Variants in MRPS28 observed in about 807,000 individuals in gnomAD.
MRPS28 encodes small ribosomal subunit protein bS1m.
Under a neutral mutation model 10.8 loss-of-function variants are expected in MRPS28, and 7 were observed. The observed-to-expected ratio is 0.65, with a 90% CI of 0.37 to 1.22. The LOEUF (loss-of-function observed/expected upper bound fraction) is 1.22, where lower values mean the gene tolerates loss of function less well. Among genes scored for constraint, MRPS28 ranks in the 50% most tolerant of loss-of-function variants. MRPS28 has a pLI of 0.02. For synonymous variants in MRPS28, 121 were observed against 93.3 expected (o/e 1.30, Z -1.71); for missense variants, 265 against 232.9 (o/e 1.14, Z -0.90).
At chr8:79,934,500 G>A (rs1806553234) in intron 2 of MRPS28, among the ~76,000 whole-genome samples, 1 of 152,162 alleles carries the variant, frequency 6.6e-6, no homozygotes, top group Non-Finnish European at 1.5e-5. Context: ...AATCCTTAAA[G>A]TTTACATTTT....
chr8:79,983,050 C>T (rs1210016958), intron 2 of MRPS28, among the ~76,000 whole-genome samples: 6 of 149,488 alleles, frequency 4.0e-5, no homozygotes, highest in East Asian at 2.0e-4. Context: ...ACACCTCACA[C>T]GGCCAGGTAC....
chr8:79,931,848 T>A (rs1002744039), intron 2 of MRPS28, among the ~76,000 whole-genome samples: 1 of 152,218 alleles, frequency 6.6e-6, no homozygotes, highest in African/African-American at 2.4e-5. Context: ...TTCAATGAAT[T>A]AAGCTTAACT....
At position 80,002,145 on chromosome 8, in the gene MRPS28, T is replaced by C. The variant is rs937351669; in HGVS notation, c.395+854A>G. 6.6e-5 allele frequency among the ~76,000 whole-genome samples: 10 copies of C among 152,178 alleles called. No individual in the cohort carries two copies. The South Asian group carries it at 8.3e-4, about 13-fold the overall frequency. ...CTCTCAGGAGAGAGGCAACTCGTTC[T>C]CATAATTGCTCTCCTAGGTCTACAG... is the stretch of plus-strand genomic sequence containing the variant. On this transcript the variant is annotated intron_variant, in intron 2 of 2. Coordinates refer to ENST00000276585, the MANE Select transcript of MRPS28 (RefSeq NM_014018.3).
chr8:79,989,110 G>A (rs1808280833), intron 2 of MRPS28, among the ~76,000 whole-genome samples: 1 of 152,284 alleles, frequency 6.6e-6, no homozygotes, highest in Admixed American at 6.5e-5. Context: ...AAGTATAATG[G>A]TGAGGGCAGA....
Position 79,975,995 on chromosome 8 carries a change from C to T in MRPS28, c.395+27004G>A, listed in dbSNP as rs183830790. 7.9e-5 allele frequency among the ~76,000 whole-genome samples: 12 copies of T among 152,112 alleles called. 1 individual carries two copies. The highest frequency in any genetic ancestry group is 2.7e-4 in the African/African-American group (11 of 41,498). Reference sequence around the variant, plus strand: ...TTGTTTATGACATAGTTAGCTGGCCCTGACATATGTTTATTTGGGAAGGCG... The same window carrying T: ...TTGTTTATGACATAGTTAGCTGGCCTTGACATATGTTTATTTGGGAAGGCG... On this transcript the variant is annotated intron_variant, in intron 2 of 2. Coordinates refer to ENST00000276585, the MANE Select transcript of MRPS28 (RefSeq NM_014018.3).
At chr8:79,951,392 C>T (rs2129970779) in intron 2 of MRPS28, among the ~76,000 whole-genome samples, 1 of 152,270 alleles carries the variant, frequency 6.6e-6, no homozygotes, top group Admixed American at 6.5e-5. Context: ...CCAGTGGTAG[C>T]CTCTTGCCCA....
At chr8:80,004,571 C>A (rs1275434918) in intron 1 of MRPS28, among the ~76,000 whole-genome samples, 1 of 152,166 alleles carries the variant, frequency 6.6e-6, no homozygotes, top group Non-Finnish European at 1.5e-5. Context: ...TTCTAAAAAT[C>A]AGAGTGCCTC....
chr8:79,983,644 T>C (rs1408645467), intron 2 of MRPS28, among the ~76,000 whole-genome samples: 4 of 152,216 alleles, frequency 2.6e-5, no homozygotes, highest in Non-Finnish European at 4.4e-5. Flanking sequence ...CCTCAGGAGC[T>C]GATGCGATCA....
intron 1 of MRPS28, among the ~76,000 whole-genome samples, chr8:80,010,733 C>T (rs1423631354): frequency 5.3e-5 from 8 of 152,242 alleles, no homozygotes; most frequent in Non-Finnish European, 1.2e-4. Flanking sequence ...ATGACCTCTG[C>T]TTCAGGAAAA....
intron 2 of MRPS28, among the ~76,000 whole-genome samples, chr8:79,983,881 C>A (rs1423919643): frequency 1.3e-5 from 2 of 152,202 alleles, no homozygotes; most frequent in African/African-American, 4.8e-5. Context: ...CTTCCCCAAT[C>A]TAGCAAGGCA....
At chr8:79,982,983 TGA>T in intron 2 of MRPS28, among the ~76,000 whole-genome samples, 3 of 123,414 alleles carry the variant, frequency 2.4e-5, no homozygotes, top group Non-Finnish European at 5.0e-5. Flanking sequence ...CCCTGACGCC[TGA>T]CCCCCGACCC....
intron 1 of MRPS28, among the ~76,000 whole-genome samples, chr8:80,010,942 T>A (rs1809024361): frequency 6.6e-6 from 1 of 152,138 alleles, no homozygotes. Context: ...CCATGAGCAA[T>A]CATACTAGTT....
chr8:80,018,362 T>G (rs1342366366), intron 1 of MRPS28, among the ~76,000 whole-genome samples: 7 of 140,902 alleles, frequency 5.0e-5, no homozygotes, highest in Admixed American at 4.9e-4. Flanking sequence ...GACATACAAA[T>G]GGCAAACAGG....
intron 2 of MRPS28, among the ~76,000 whole-genome samples, chr8:79,955,722 GT>G (rs1358002087): frequency 6.6e-6 from 1 of 152,044 alleles, no homozygotes; most frequent in Non-Finnish European, 1.5e-5. Context: ...TCCAAATTTA[GT>G]TGCTTAAAAC....
chr8:80,029,626 C>A (rs550835398), intron 1 of MRPS28: 1 of 735,042 alleles, frequency 1.4e-6, no homozygotes, highest in Admixed American at 3.3e-5. Flanking sequence ...CTACTCCAGA[C>A]AGCAAGCTCC....
chr8:80,014,872 T>C (rs1809154827), intron 1 of MRPS28, among the ~76,000 whole-genome samples: 1 of 152,210 alleles, frequency 6.6e-6, no homozygotes, highest in African/African-American at 2.4e-5. Context: ...TTGATTGTCA[T>C]GACTGAAAAA....
At chr8:80,008,149 C>T (rs973898339) in intron 1 of MRPS28, among the ~76,000 whole-genome samples, 1 of 152,142 alleles carries the variant, frequency 6.6e-6, no homozygotes, top group East Asian at 1.9e-4. Context: ...CTTTGACAAA[C>T]CTGACAAAAA....
At chr8:80,007,127 C>A (rs1333961538) in intron 1 of MRPS28, among the ~76,000 whole-genome samples, 1 of 152,090 alleles carries the variant, frequency 6.6e-6, no homozygotes, top group Non-Finnish European at 1.5e-5. Flanking sequence ...ATATGCAAAT[C>A]AATAAATGTA....
chr8:79,970,816 C>T (rs1160780050), intron 2 of MRPS28, among the ~76,000 whole-genome samples: 1 of 152,128 alleles, frequency 6.6e-6, no homozygotes, highest in Non-Finnish European at 1.5e-5. Flanking sequence ...TAAATAAAGT[C>T]TGTGGTTATT....
Sources: gnomAD v4.1 joint callset for allele counts (sites outside exome capture counted in the v4.1 genomes callset) on GRCh38, gnomAD v4.1.1 for gene constraint, MANE v1.5 for transcripts, NCBI Gene and HGNC (gene_info 2026-07-23, HGNC 2026-07-21) for gene names.